CCDC32: variants seen among roughly 807,000 people sequenced by gnomAD.
CCDC32 encodes coiled-coil domain containing 32.
Under a neutral mutation model 20.1 loss-of-function variants are expected in CCDC32, and 9 were observed. That is an observed-to-expected ratio of 0.45 (90% CI 0.27 to 0.78). The LOEUF (loss-of-function observed/expected upper bound fraction) is 0.78. Among genes scored for constraint, CCDC32 ranks in the 30% least tolerant of loss-of-function variants. The pLI is 0.16. For synonymous variants in CCDC32, 63 were observed against 79.0 expected (o/e 0.80, Z 1.07); for missense variants, 204 against 215.5 (o/e 0.95, Z 0.33).
intron 3 of CCDC32, 25 bp from the exon 4 acceptor site, chr15:40,554,152 T>A: frequency 6.2e-7 from 1 of 1,602,116 alleles, no homozygotes; most frequent in Non-Finnish European, 8.5e-7. Flanking sequence ...AATAAAAGGG[T>A]GGCTGTGTCA....
chr15:40,562,039 T>C (rs1427661103), intron 2 of CCDC32: 1 of 63,806 alleles, frequency 1.6e-5, no homozygotes, highest in Non-Finnish European at 3.7e-5. Flanking sequence ...CTTATGTCAA[T>C]ATGCTCCCAT....
rs1890931029 is a variant in CCDC32 at position 40,565,040 on chromosome 15, G to A, written c.-77C>T. ...GCCTGTAGCCCGGAGGAAATCGGGA[G>A]GGGCGGAGTCCCCTAGTGACGGAGC... On this transcript the variant is annotated 5_prime_UTR_variant, in exon 1 of 4. Coordinates refer to ENST00000416810, the MANE Select transcript of CCDC32 (RefSeq NM_001080792.4). 2 of 558,398 alleles carry A rather than the reference G, an allele frequency of 3.6e-6. No individual in the cohort carries two copies. Among genetic ancestry groups the A allele is most frequent in the Admixed American group, 3.0e-5 (1 of 33,014 alleles). 34.6% of individuals were successfully genotyped at this position (558,398 alleles called of 1,614,324 possible).
chr15:40,553,013 C>T, downstream of CCDC32: 2 of 658,832 alleles, frequency 3.0e-6, no homozygotes, highest in Non-Finnish European at 3.8e-6. Flanking sequence ...AGCTCCCATG[C>T]CTTTGCATGC....
Position 40,553,545 on chromosome 15 carries a change from A to G in CCDC32, c.*426T>C. ...TCACCAAGGGAATGCTTGGGACACA[A>G]GCATGAATGTCCGGAAGAGGCAAGA... On this transcript the variant is annotated 3_prime_UTR_variant, in exon 4 of 4. Coordinates refer to ENST00000416810, the MANE Select transcript of CCDC32 (RefSeq NM_001080792.4). 3.0e-6 allele frequency: 3 copies of G among 990,474 alleles called. No homozygotes were observed. The highest frequency in any genetic ancestry group is 3.6e-6 in the Non-Finnish European group (3 of 833,126). The allele number at this position is 990,474 out of a possible 1,614,324, so 61.4% of individuals were successfully genotyped here.
At chr15:40,555,004 G>T (rs1365495443) in intron 3 of CCDC32, among the ~76,000 whole-genome samples, 2 of 152,142 alleles carry the variant, frequency 1.3e-5, no homozygotes, top group African/African-American at 4.8e-5. Context: ...CTTGCCAAAA[G>T]CATACCACAA....
At chr15:40,535,191 T>C, downstream of CCDC32, 1 of 1,333,370 alleles carries the variant, frequency 7.5e-7, no homozygotes, top group Non-Finnish European at 1.0e-6. Flanking sequence ...ATGAATGGAA[T>C]GGGGGAGAAT....
downstream of CCDC32, among the ~76,000 whole-genome samples, chr15:40,533,526 A>T (rs1888976747): frequency 6.6e-6 from 1 of 151,890 alleles, no homozygotes; most frequent in South Asian, 2.1e-4. Context: ...TTTGTATTTT[A>T]GTAGAGACGG....
At chr15:40,550,891 G>A (rs963561812), downstream of CCDC32, among the ~76,000 whole-genome samples, 1 of 152,162 alleles carries the variant, frequency 6.6e-6, no homozygotes, top group Non-Finnish European at 1.5e-5. Context: ...AAAAGGCAAA[G>A]CTAGAATCTT....
the CCDC32 span, among the ~76,000 whole-genome samples, chr15:40,522,828 C>CTTTTTT: frequency 1.5e-5 from 2 of 131,180 alleles, no homozygotes; most frequent in Non-Finnish European, 3.2e-5. Flanking sequence ...GTTTTCCTTT[C>CTTTTTT]TTTTTTTTTT....
intron 2 of CCDC32, among the ~76,000 whole-genome samples, chr15:40,560,026 T>C (rs935733529): frequency 3.3e-5 from 5 of 152,224 alleles, no homozygotes; most frequent in African/African-American, 1.2e-4. Flanking sequence ...AATTTTTATT[T>C]TGAGATGGAG....
At chr15:40,557,520 T>G (rs1354847891) in intron 2 of CCDC32, 148 bp from the exon 3 acceptor site, 1 of 685,606 alleles carries the variant, frequency 1.5e-6, no homozygotes, top group African/African-American at 1.8e-5. Flanking sequence ...TAAGGACAGA[T>G]AAAAGGGAAT....
At chr15:40,539,880 A>ACACACCCC (rs769226221) in intron 3 of CCDC32, among the ~76,000 whole-genome samples, 1 of 139,040 alleles carries the variant, frequency 7.2e-6, no homozygotes, top group Non-Finnish European at 1.6e-5. Context: ...ACACACACAC[A>ACACACCCC]CCCCGCTCCT....
rs755243406 is a variant in CCDC32, at chr15:40,557,403, A to T, written c.245-31T>A. 3.2e-6 allele frequency: 5 copies of T among 1,560,454 alleles called. No individual in the cohort carries two copies. In the South Asian group the frequency reaches 6.0e-5, roughly 19 times the overall value. ...GAGAGAAGTAGAGCTTAACAAGGAA[A>T]ATGAGCATGACATGAAATTTTAACT... On this transcript the variant is annotated intron_variant, in intron 2 of 3. Transcript: ENST00000416810.
downstream of CCDC32, chr15:40,539,189 C>G: frequency 6.8e-7 from 1 of 1,475,468 alleles, no homozygotes; most frequent in East Asian, 2.5e-5. Flanking sequence ...ACAGAAAGGT[C>G]AATCCCACAT....
chr15:40,525,220 G>T (rs560995937), downstream of CCDC32, among the ~76,000 whole-genome samples: 1 of 152,144 alleles, frequency 6.6e-6, no homozygotes, highest in East Asian at 1.9e-4. Context: ...AGTTGAGATG[G>T]GGTTTTACCA....
At chr15:40,524,210 T>C (rs7173079), downstream of CCDC32, among the ~76,000 whole-genome samples, 5,017 of 135,464 alleles carry the variant, frequency 0.037, 295 homozygotes, top group African/African-American at 0.13. Flanking sequence ...CAGGCTGGAG[T>C]GCGATGGCGC....
intron 1 of CCDC32, among the ~76,000 whole-genome samples, chr15:40,563,902 C>G (rs565910959): frequency 2.6e-5 from 4 of 151,918 alleles, no homozygotes; most frequent in East Asian, 3.9e-4. Context: ...CTCACTGCAA[C>G]CTCCGCCTCC....
downstream of CCDC32, among the ~76,000 whole-genome samples, chr15:40,525,624 C>G (rs1375574592): frequency 6.6e-6 from 1 of 152,224 alleles, no homozygotes; most frequent in Non-Finnish European, 1.5e-5. Context: ...CTGAAGTGTC[C>G]TCTTACCCAG....
chr15:40,543,752 C>T (rs1471727030), intron 3 of CCDC32, among the ~76,000 whole-genome samples: 1 of 152,154 alleles, frequency 6.6e-6, no homozygotes, highest in Non-Finnish European at 1.5e-5. Flanking sequence ...TGCACCCGGG[C>T]TTGTCAGCCT....
Sources: allele counts gnomAD v4.1 joint callset (sites outside exome capture counted in the v4.1 genomes callset), GRCh38; gene constraint gnomAD v4.1.1; transcripts MANE v1.5; gene names NCBI Gene and HGNC (gene_info 2026-07-23, HGNC 2026-07-21).